Variants in ETFA observed in about 807,000 individuals in gnomAD.
The protein encoded by ETFA is electron transfer flavoprotein subunit alpha.
A neutral mutation model predicts 46.2 loss-of-function variants in ETFA; 22 were observed. The ratio of observed to expected loss-of-function variants is 0.48; its 90% confidence interval spans 0.34 to 0.68. ETFA has a LOEUF of 0.68. Ranked by LOEUF, ETFA falls within the 30% of genes least tolerant of loss-of-function variation. ETFA has a pLI of 0.01. For synonymous variants in ETFA, 131 were observed against 139.9 expected, an observed-to-expected ratio of 0.94 and a Z score of 0.45; for missense variants, 345 against 401.1, an observed-to-expected ratio of 0.86 and a Z score of 1.19.
intron 8 of ETFA, among the ~76,000 whole-genome samples, chr15:76,281,144 G>A (rs1012707928): frequency 1.3e-5 from 2 of 151,524 alleles, no homozygotes; most frequent in Non-Finnish European, 2.9e-5. Context: ...TGAATTCCTG[G>A]CCTCAAGAAA....
Position 76,217,721 on chromosome 15 carries a change from A to G in ETFA, c.964-1124T>C, listed in dbSNP as rs184940788. 2.2e-4 allele frequency: 94 copies of G among 421,732 alleles called. 1 individual carries two copies. In the Middle Eastern group the frequency reaches 3.4e-3, roughly 15 times the overall value. The allele number at this position is 421,732 out of a possible 1,614,324, so 26.1% of individuals were successfully genotyped here. ...AGATACTCTGAAAACTGGTCCAGCCACTTGTGCAAAGTATCAATTACCCAG... is the reference window on the plus strand; with the variant it reads ...AGATACTCTGAAAACTGGTCCAGCCGCTTGTGCAAAGTATCAATTACCCAG... On this transcript the variant is annotated intron_variant, in intron 11 of 11. Coordinates refer to ENST00000557943, the MANE Select transcript of ETFA (RefSeq NM_000126.4).
At chr15:76,286,091 T>C (rs566030485) in intron 6 of ETFA, among the ~76,000 whole-genome samples, 1 of 152,286 alleles carries the variant, frequency 6.6e-6, no homozygotes, top group South Asian at 2.1e-4. Flanking sequence ...CCAAATATAA[T>C]AGGAAACAGT....
Position 76,274,418 on chromosome 15 carries a change from T to C in ETFA, c.810A>G (p.Val270=). The C allele has an allele frequency of 6.2e-7, 1 of 1,607,548 alleles. No individual in the cohort carries two copies. The highest frequency in any genetic ancestry group is 8.5e-7 in the Non-Finnish European group (1 of 1,175,628). ...ATTTTATTGCAATACTTACTGGTGC[T>C]ACTATTTTTCCCGTCTGTCCAACTT... ...DMQVGQTGKI[V]APELYIAVGI... Residue 270 remains valine, a synonymous_variant, in exon 9 of 12, where the codon GTA becomes GTG. Transcript: ENST00000557943.
intron 1 of ETFA, among the ~76,000 whole-genome samples, chr15:76,302,191 C>T (rs1001485575): frequency 2.6e-5 from 4 of 152,124 alleles, no homozygotes; most frequent in Admixed American, 1.3e-4. Context: ...TTTGTACGTA[C>T]CCAAATGAGT....
At chr15:76,302,106 C>T (rs1186385341) in intron 1 of ETFA, among the ~76,000 whole-genome samples, 2 of 152,200 alleles carry the variant, frequency 1.3e-5, no homozygotes, top group East Asian at 1.9e-4. Flanking sequence ...CTGGTGCAGC[C>T]ACTTTGGAAG....
chr15:76,228,342 G>C (rs1169573764), intron 10 of ETFA: 2 of 220,940 alleles, frequency 9.1e-6, no homozygotes, highest in Admixed American at 1.1e-4. Flanking sequence ...GTACCACCAT[G>C]CTCAGATAAT....
chr15:76,298,432 T>C (rs551551814), intron 1 of ETFA, among the ~76,000 whole-genome samples: 18 of 152,210 alleles, frequency 1.2e-4, no homozygotes, highest in Non-Finnish European at 2.4e-4. Context: ...GGACTAGGCA[T>C]GTACAGCTGC....
intron 1 of ETFA, among the ~76,000 whole-genome samples, chr15:76,304,952 T>A (rs1023499999): frequency 2.7e-5 from 4 of 150,118 alleles, no homozygotes; most frequent in Middle Eastern, 3.5e-3. Context: ...CTGAGGCAGA[T>A]GAATGGCGTG....
At chr15:76,220,005 G>A (rs1567193888) in intron 11 of ETFA, among the ~76,000 whole-genome samples, 2 of 152,204 alleles carry the variant, frequency 1.3e-5, no homozygotes, top group African/African-American at 2.4e-5. Context: ...ACTGAAAGCA[G>A]GGGCTTGAGC....
At chr15:76,288,920 C>CTTTTTTTTTTTTTTTTTT (rs35295593) in intron 4 of ETFA, among the ~76,000 whole-genome samples, 1 of 110,088 alleles carries the variant, frequency 9.1e-6, no homozygotes, top group Non-Finnish European at 1.8e-5. Flanking sequence ...TCTTCTTCTT[C>CTTTTTTTTTTTTTTTTTT]TTTTTTTTTT....
chr15:76,283,307 T>A (rs777123768), intron 8 of ETFA, among the ~76,000 whole-genome samples: 20 of 152,248 alleles, frequency 1.3e-4, no homozygotes, highest in Non-Finnish European at 2.2e-4. Context: ...TCCTCCCACC[T>A]CAGCCTCCTG....
intron 2 of ETFA, among the ~76,000 whole-genome samples, chr15:76,293,120 G>A (rs2039784484): frequency 6.6e-6 from 1 of 152,188 alleles, no homozygotes; most frequent in Non-Finnish European, 1.5e-5. Context: ...CTGGGCGAAA[G>A]AGTGAAACTC....
intron 2 of ETFA, among the ~76,000 whole-genome samples, chr15:76,293,066 G>A (rs1350873014): frequency 6.6e-6 from 1 of 152,206 alleles, no homozygotes; most frequent in East Asian, 1.9e-4. Flanking sequence ...GAACCCAGGA[G>A]GCGGAGGTTA....
rs1271666245 is a variant in ETFA at position 76,311,362 on chromosome 15, C to A, written c.27G>T (p.Gln9His). The stretch of plus-strand genomic sequence containing the variant: ...AGTCCGGACTCACCGCCCGCCGGAG[C>A]TGCCCCGGAGCCGCCGCTCGGAACA... The part of the protein sequence containing the change: MFRAAAPG[Q>H]LRRAASLLRF... Residue 9 changes from glutamine to histidine, a missense_variant, in exon 1 of 12, where the codon CAG (glutamine) becomes CAT (histidine). Physicochemically the swap from Gln to His is conservative, Grantham distance 24. Coordinates refer to ENST00000557943, the MANE Select transcript of ETFA (RefSeq NM_000126.4). 1 of 1,560,454 alleles carries A rather than the reference C, an allele frequency of 6.4e-7. No homozygotes were observed. The highest frequency in any genetic ancestry group is 8.7e-7 in the Non-Finnish European group (1 of 1,152,930).
At chr15:76,298,638 C>G (rs2141548096) in intron 1 of ETFA, among the ~76,000 whole-genome samples, 1 of 152,266 alleles carries the variant, frequency 6.6e-6, no homozygotes, top group Non-Finnish European at 1.5e-5. Context: ...GAAGCAGAGT[C>G]AGGTTATTCT....
chr15:76,253,067 C>T (rs908168634), intron 9 of ETFA, among the ~76,000 whole-genome samples: 12 of 152,024 alleles, frequency 7.9e-5, no homozygotes, highest in Non-Finnish European at 1.5e-4. Flanking sequence ...ACGTACACCA[C>T]GGTGCTCAGC....
chr15:76,268,994 C>T (rs2039501294), intron 9 of ETFA, among the ~76,000 whole-genome samples: 1 of 152,220 alleles, frequency 6.6e-6, no homozygotes, highest in East Asian at 1.9e-4. Flanking sequence ...CTCACTTGAA[C>T]CTGCTCCCTA....
intron 8 of ETFA, among the ~76,000 whole-genome samples, chr15:76,278,040 CTTG>C (rs1306045581): frequency 6.6e-6 from 1 of 152,132 alleles, no homozygotes; most frequent in Non-Finnish European, 1.5e-5. Flanking sequence ...CAGTTTTTTA[CTTG>C]TTGTTAGGAC....
intron 1 of ETFA, among the ~76,000 whole-genome samples, chr15:76,297,673 T>A (rs187319136): frequency 3.1e-4 from 47 of 152,300 alleles, no homozygotes; most frequent in African/African-American, 1.0e-3. Flanking sequence ...GGAGATTATA[T>A]ATACTTTTTA....
Sources: gnomAD v4.1 joint callset for allele counts (sites outside exome capture counted in the v4.1 genomes callset) on GRCh38, gnomAD v4.1.1 for gene constraint, MANE v1.5 for transcripts, NCBI Gene and HGNC (gene_info 2026-07-23, HGNC 2026-07-21) for gene names.